The following CSMD1 variants were observed in gnomAD, a reference collection of about 807,000 sequenced individuals.
CSMD1 encodes the protein CUB and sushi domain-containing protein 1.
CSMD1 carries 213 observed loss-of-function variants against 417.5 expected under a neutral mutation model. That is an observed-to-expected ratio of 0.51 (90% confidence interval 0.46 to 0.57). The LOEUF (loss-of-function observed/expected upper bound fraction) is 0.57, where lower values mean the gene tolerates loss of function less well. Among genes scored for constraint, CSMD1 ranks in the 20% least tolerant of loss-of-function variants. The probability of loss-of-function intolerance (pLI) is 0.00; values close to 1 mark genes in which losing one functional copy is unlikely to be tolerated. For synonymous variants in CSMD1, 2,862 were observed against 1,736.8 expected, an observed-to-expected ratio of 1.65 and a Z score of -16.11; for missense variants, 6,923 against 4,529.7, an observed-to-expected ratio of 1.53 and a Z score of -15.17.
chr8:4,628,989 G>A (rs1045102801), intron 2 of CSMD1, among the ~76,000 whole-genome samples: 12 of 152,086 alleles, frequency 7.9e-5, no homozygotes, highest in East Asian at 3.9e-4. Context: ...TCTCAGATCC[G>A]CAAATAAAAT....
chr8:4,923,711 G>A lies in CSMD1; in HGVS notation c.85+70621C>T, dbSNP rs536922746. ...ACTCAGTGGGACTATCAGTGCTTGG[G>A]AGTTAGCATGATTACAGAAATTTAC... On this transcript the variant is annotated intron_variant, in intron 1 of 69. Coordinates refer to ENST00000635120, the MANE Select transcript of CSMD1 (RefSeq NM_033225.6). Among the ~76,000 whole-genome samples the A allele has an allele frequency of 3.1e-4, 47 of 152,228 alleles. No homozygotes were observed. In the South Asian group the frequency reaches 8.1e-3, roughly 26 times the overall value.
At chr8:4,926,108 C>T (rs1806851679) in intron 1 of CSMD1, among the ~76,000 whole-genome samples, 1 of 152,112 alleles carries the variant, frequency 6.6e-6, no homozygotes, top group Non-Finnish European at 1.5e-5. Flanking sequence ...ATTAAAAGAA[C>T]ATATTTTATC....
At chr8:3,087,359 G>GCCAT in intron 48 of CSMD1, 74 bp from the exon 49 acceptor site, 1 of 1,430,712 alleles carries the variant, frequency 7.0e-7, no homozygotes, top group Non-Finnish European at 9.7e-7. Flanking sequence ...CTTTGTGAGA[G>GCCAT]TCTATAAATG....
At chr8:4,844,622 C>A (rs1185144677) in intron 1 of CSMD1, among the ~76,000 whole-genome samples, 3 of 152,122 alleles carry the variant, frequency 2.0e-5, no homozygotes, top group African/African-American at 7.2e-5. Context: ...TAATAAGCGT[C>A]TTTTCTAAAC....
chr8:4,570,429 G>C (rs1295977039), intron 2 of CSMD1, among the ~76,000 whole-genome samples: 2 of 152,160 alleles, frequency 1.3e-5, no homozygotes, highest in African/African-American at 4.8e-5. Context: ...TTATGTGATG[G>C]ATTACGCCTA....
intron 3 of CSMD1, among the ~76,000 whole-genome samples, chr8:4,376,292 T>C (rs560771073): frequency 6.6e-6 from 1 of 152,222 alleles, no homozygotes; most frequent in African/African-American, 2.4e-5. Flanking sequence ...GTGGCCATTG[T>C]AGAAAATTTA....
intron 33 of CSMD1, among the ~76,000 whole-genome samples, chr8:3,192,592 G>A (rs909921887): frequency 6.6e-6 from 1 of 152,168 alleles, no homozygotes; most frequent in Non-Finnish European, 1.5e-5. Context: ...CTGGAGAGAG[G>A]CACGAGAAGC....
chr8:4,160,542 T>G (rs888133076), intron 3 of CSMD1, among the ~76,000 whole-genome samples: 1 of 152,200 alleles, frequency 6.6e-6, no homozygotes, highest in African/African-American at 2.4e-5. Flanking sequence ...AAGGAGATTT[T>G]CAGGTGATTT....
At chr8:3,488,083 A>ACAG (rs1444687771) in intron 11 of CSMD1, among the ~76,000 whole-genome samples, 2 of 122,034 alleles carry the variant, frequency 1.6e-5, no homozygotes, top group African/African-American at 6.5e-5. Context: ...TTAGAAACTC[A>ACAG]TAGTATTATT....
chr8:4,928,238 C>G (rs950387663), intron 1 of CSMD1, among the ~76,000 whole-genome samples: 1 of 152,204 alleles, frequency 6.6e-6, no homozygotes, highest in Non-Finnish European at 1.5e-5. Context: ...CTTGCTTCCA[C>G]TGGATCTCAG....
intron 2 of CSMD1, among the ~76,000 whole-genome samples, chr8:4,430,910 C>A (rs1797836800): frequency 1.3e-5 from 2 of 152,106 alleles, no homozygotes; most frequent in African/African-American, 4.8e-5. Flanking sequence ...GGTAAGGATC[C>A]ATAAATTATC....
At position 4,309,962 on chromosome 8, in the gene CSMD1, T is replaced by C. The variant is rs144813961; in HGVS notation, c.415+109991A>G. On this transcript the variant is annotated intron_variant, in intron 3 of 69. Coordinates refer to ENST00000635120, the MANE Select transcript of CSMD1 (RefSeq NM_033225.6). ...TAGTCGATTATAGTTACCCCTATTT[T>C]TACATAGTGCTTTATTTTCACACCA... Among the ~76,000 whole-genome samples the C allele has an allele frequency of 3.7e-3, 562 of 152,304 alleles. 2 individuals carry two copies. Among genetic ancestry groups the C allele is most frequent in the African/African-American group, 0.013 (524 of 41,562 alleles).
At chr8:4,390,647 G>A (rs1403346554) in intron 3 of CSMD1, among the ~76,000 whole-genome samples, 31 of 151,932 alleles carry the variant, frequency 2.0e-4, no homozygotes. Context: ...CCAAGGAGCT[G>A]GGACGACAGG....
intron 1 of CSMD1, among the ~76,000 whole-genome samples, chr8:4,879,704 G>A (rs1563659507): frequency 6.6e-6 from 1 of 151,814 alleles, no homozygotes; most frequent in Non-Finnish European, 1.5e-5. Context: ...GGAGCACTGC[G>A]AAAAAAAGTG....
intron 8 of CSMD1, among the ~76,000 whole-genome samples, chr8:3,607,334 C>G (rs757172259): frequency 2.0e-5 from 3 of 152,160 alleles, no homozygotes; most frequent in East Asian, 1.9e-4. Context: ...TTCTGGATAC[C>G]ACCTGAAGGA....
intron 2 of CSMD1, among the ~76,000 whole-genome samples, chr8:4,473,190 C>A (rs1800627819): frequency 6.6e-6 from 1 of 152,102 alleles, no homozygotes; most frequent in African/African-American, 2.4e-5. Flanking sequence ...CCAATGACGA[C>A]TTAAAATTTC....
chr8:3,411,683 T>TGTATATACACAC (rs1812712457), intron 12 of CSMD1, among the ~76,000 whole-genome samples: 2 of 64,292 alleles, frequency 3.1e-5, no homozygotes, highest in Non-Finnish European at 3.3e-5. Flanking sequence ...TATATATACG[T>TGTATATACACAC]GTATATATAC....
intron 5 of CSMD1, among the ~76,000 whole-genome samples, chr8:3,996,721 C>G (rs1254493671): frequency 6.6e-6 from 1 of 152,116 alleles, no homozygotes; most frequent in Non-Finnish European, 1.5e-5. Context: ...CAAAGACAAT[C>G]TAGGTAGAAT....
intron 2 of CSMD1, among the ~76,000 whole-genome samples, chr8:4,489,935 T>G (rs539897713): frequency 6.6e-5 from 10 of 152,306 alleles, no homozygotes; most frequent in Non-Finnish European, 8.8e-5. Flanking sequence ...TAAGCCACTA[T>G]GTCTGTGATC....
Sources: allele counts gnomAD v4.1 joint callset (sites outside exome capture counted in the v4.1 genomes callset), GRCh38; gene constraint gnomAD v4.1.1; transcripts MANE v1.5; gene names NCBI Gene and HGNC (gene_info 2026-07-23, HGNC 2026-07-21).